Variants in RDM1 observed in about 807,000 individuals in gnomAD.
The protein encoded by RDM1 is RAD52 motif containing 1, also known as RAD52 motif-containing protein 1.
RDM1 carries 28 observed loss-of-function variants against 27.7 expected under a neutral mutation model. The observed-to-expected ratio is 1.01, with a 90% CI of 0.75 to 1.39. RDM1 has a LOEUF of 1.39. Ranked by LOEUF, RDM1 falls within the 40% of genes most tolerant of loss-of-function variation. RDM1 has a pLI of 0.00. For missense variants in RDM1, 277 were observed against 337.3 expected (o/e 0.82, Z 1.40); for synonymous variants, 124 against 127.5 (o/e 0.97, Z 0.19).
At chr17:35,927,402 T>G (rs2089190230) in intron 2 of RDM1, among the ~76,000 whole-genome samples, 1 of 152,132 alleles carries the variant, frequency 6.6e-6, no homozygotes, top group South Asian at 2.1e-4. Context: ...ATCATGCCAT[T>G]GCACTCCAGC....
intron 2 of RDM1, among the ~76,000 whole-genome samples, chr17:35,928,217 A>T (rs1055469964): frequency 6.6e-6 from 1 of 152,216 alleles, no homozygotes; most frequent in Non-Finnish European, 1.5e-5. Context: ...GACTGAATTG[A>T]GGCATACAAT....
In RDM1 at chr17:35,918,081, TTATC is replaced by T. The variant is rs2088808189; in HGVS notation, c.*257_*260del. On this transcript the variant is annotated 3_prime_UTR_variant, in exon 7 of 7. Transcript: ENST00000620284. Reference sequence around the variant, plus strand: ...GCCTCGTCCGTTATTTACCATATCTTTATCTAGGCAACCTTTATTAAGTTCCGTT... The same window carrying T: ...GCCTCGTCCGTTATTTACCATATCTTTAGGCAACCTTTATTAAGTTCCGTT... The T allele has an allele frequency of 2.5e-5, 14 of 555,472 alleles. 1 individual carries two copies. In the South Asian group the frequency reaches 3.1e-4, roughly 12 times the overall value. The allele number at this position is 555,472 out of a possible 1,614,324, so 34.4% of individuals were successfully genotyped here.
intron 2 of RDM1, among the ~76,000 whole-genome samples, 198 bp from the exon 3 acceptor site, chr17:35,925,835 C>T (rs1031571963): frequency 3.3e-5 from 5 of 152,070 alleles, no homozygotes; most frequent in Admixed American, 6.6e-5. Context: ...GTTACTAACC[C>T]GTTAAAAGAT....
chr17:35,920,597 C>A (rs2088907936), intron 5 of RDM1, among the ~76,000 whole-genome samples: 1 of 151,684 alleles, frequency 6.6e-6, no homozygotes, highest in South Asian at 2.1e-4. Flanking sequence ...GTAGCAAGGA[C>A]TACAGGTACA....
At chr17:35,923,349 CA>C (rs1013511994) in intron 4 of RDM1, among the ~76,000 whole-genome samples, 769 of 47,246 alleles carry the variant, frequency 0.016, 2 homozygotes, top group Middle Eastern at 0.026. Flanking sequence ...GATTCTGTCT[CA>C]AAAAAAAAAA....
intron 4 of RDM1, among the ~76,000 whole-genome samples, chr17:35,923,501 C>A (rs1482896880): frequency 6.6e-6 from 1 of 151,646 alleles, no homozygotes; most frequent in Non-Finnish European, 1.5e-5. Flanking sequence ...AATAAAAATA[C>A]AACCACAAGA....
chr17:35,927,971 C>T (rs2089205388), intron 2 of RDM1, among the ~76,000 whole-genome samples: 1 of 152,136 alleles, frequency 6.6e-6, no homozygotes, highest in South Asian at 2.1e-4. Flanking sequence ...TCATTTCAGT[C>T]ACAGAAAGTG....
chr17:35,920,793 C>G (rs559401758), intron 5 of RDM1, among the ~76,000 whole-genome samples: 1 of 152,198 alleles, frequency 6.6e-6, no homozygotes, highest in South Asian at 2.1e-4. Flanking sequence ...AAATATCAAC[C>G]ATATTCGGTA....
chr17:35,921,077 T>C (rs1033949413), intron 5 of RDM1, among the ~76,000 whole-genome samples: 6 of 152,182 alleles, frequency 3.9e-5, no homozygotes, highest in Non-Finnish European at 5.9e-5. Context: ...AGAGAACATT[T>C]GAACATTTTA....
Position 35,918,299 on chromosome 17 carries a change from C to G in RDM1, c.*43G>C, listed in dbSNP as rs1311834446. The stretch of plus-strand genomic sequence containing the variant: ...GTGGGGTAGGGGCACGACAGAGCTT[C>G]CCAAGGAAGTTACATGACCTCGCCT... On this transcript the variant is annotated 3_prime_UTR_variant, in exon 7 of 7. Coordinates refer to ENST00000620284, the MANE Select transcript of RDM1 (RefSeq NM_145654.4). The G allele has an allele frequency of 1.3e-6, 2 of 1,565,660 alleles. No homozygotes were observed. The highest frequency in any genetic ancestry group is 3.3e-5 in the Admixed American group (2 of 59,772).
intron 2 of RDM1, among the ~76,000 whole-genome samples, chr17:35,926,664 A>T (rs556283241): frequency 1.3e-5 from 2 of 152,288 alleles, no homozygotes; most frequent in East Asian, 3.9e-4. Context: ...TCGGCCTCCC[A>T]AAGTGCTGGG....
chr17:35,918,608 T>G (rs1264523096), intron 6 of RDM1, among the ~76,000 whole-genome samples, 165 bp from the exon 7 acceptor site: 2 of 152,088 alleles, frequency 1.3e-5, no homozygotes, highest in Non-Finnish European at 2.9e-5. Context: ...AGACTCCAAA[T>G]TTTCTGTAGG....
chr17:35,930,569 G>T, intron 1 of RDM1, 63 bp downstream of exon 1: 1 of 1,492,262 alleles, frequency 6.7e-7, no homozygotes, highest in Non-Finnish European at 9.2e-7. Context: ...CAGGACTCCG[G>T]AACTCCCAGT....
intron 2 of RDM1, 71 bp from the exon 3 acceptor site, chr17:35,925,708 T>C: frequency 1.3e-6 from 2 of 1,512,066 alleles, no homozygotes; most frequent in Non-Finnish European, 1.8e-6. Context: ...GATCTGAGAT[T>C]TGTCAATACC....
At chr17:35,929,346 A>T (rs1391074714) in intron 2 of RDM1, among the ~76,000 whole-genome samples, 1 of 152,166 alleles carries the variant, frequency 6.6e-6, no homozygotes, top group Non-Finnish European at 1.5e-5. Context: ...CTGCATCCTC[A>T]AACTCCTGGG....
Position 35,925,534 on chromosome 17 carries a change from C to A in RDM1, c.380G>T (p.Cys127Phe). 1.2e-6 allele frequency: 2 copies of A among 1,613,548 alleles called. No homozygotes were observed. The highest frequency in any genetic ancestry group is 1.7e-6 in the Non-Finnish European group (2 of 1,179,970). ...LANYYFGFNGCSKRIIKLQEL... is the reference protein window; with the variant it reads ...LANYYFGFNGFSKRIIKLQEL... Reference sequence around the variant, plus strand: ...GTTTACCTTGATGATCCTTTTGGAACACCCATTGAAACCAAAGTAGTAATT... The same window carrying A: ...GTTTACCTTGATGATCCTTTTGGAAAACCCATTGAAACCAAAGTAGTAATT... The change falls in exon 3 of 7, where the codon TGT becomes TTT. Residue 127 changes from cysteine to phenylalanine, a missense_variant. Coordinates refer to ENST00000620284, the MANE Select transcript of RDM1 (RefSeq NM_145654.4).
intron 2 of RDM1, among the ~76,000 whole-genome samples, chr17:35,927,189 C>T (rs1480576815): frequency 1.3e-5 from 2 of 151,792 alleles, no homozygotes; most frequent in Non-Finnish European, 2.9e-5. Flanking sequence ...ACCTGTAATC[C>T]CGGCACTTTG....
At chr17:35,922,203 G>A (rs2088967872) in intron 5 of RDM1, 2 of 168,202 alleles carry the variant, frequency 1.2e-5, no homozygotes, top group Non-Finnish European at 2.5e-5. Flanking sequence ...TTACAGGCGT[G>A]AGCCACCGCG....
Position 35,918,373 on chromosome 17 carries a change from T to C in RDM1, c.824A>G (p.Glu275Gly). Residue 275 changes from glutamate to glycine, a missense_variant, in exon 7 of 7, where the codon GAG (glutamate) becomes GGG (glycine). By Grantham distance (98) the Glu-to-Gly change is moderately conservative (BLOSUM62 -2). Transcript: ENST00000620284. ...AAGTTCTGGCAGCCTGAACTCTTCC[T>C]CCTCCAAGCTGAAATCCGAGAGATA... Reference protein sequence around the residue: ...EGYLSDFSLEEEEFRLPELD With the variant: ...EGYLSDFSLEGEEFRLPELD 6.2e-7 allele frequency: 1 copy of C among 1,613,952 alleles called. No homozygotes were observed. The highest frequency in any genetic ancestry group is 1.1e-5 in the South Asian group (1 of 91,066).
Sources: gnomAD v4.1 joint callset for allele counts (sites outside exome capture counted in the v4.1 genomes callset) on GRCh38, gnomAD v4.1.1 for gene constraint, MANE v1.5 for transcripts, NCBI Gene and HGNC (gene_info 2026-07-23, HGNC 2026-07-21) for gene names.